The following GSE1 variants were observed in gnomAD, a reference collection of about 807,000 sequenced individuals.
GSE1 encodes the protein Gse1 coiled-coil protein, also known as genetic suppressor element 1.
GSE1 carries 32 observed loss-of-function variants against 112.6 expected under a neutral mutation model. That is an observed-to-expected ratio of 0.28 (90% CI 0.21 to 0.38). GSE1 has a LOEUF of 0.38. Among genes scored for constraint, GSE1 ranks in the 10% least tolerant of loss-of-function variants. The pLI is 1.00. For synonymous variants in GSE1, 1,115 were observed against 735.6 expected (o/e 1.52, Z -8.35); for missense variants, 2,348 against 1,699.2 (o/e 1.38, Z -6.71).
chr16:85,671,249 G>C lies in GSE1; in HGVS notation c.3519+151G>C. The C allele has an allele frequency of 1.8e-5, 9 of 512,204 alleles. No individual in the cohort carries two copies. In the South Asian group the frequency reaches 1.9e-4, roughly 11 times the overall value. 31.7% of individuals were successfully genotyped at this position (512,204 alleles called of 1,614,324 possible). On this transcript the variant is annotated intron_variant, in intron 15 of 15. Coordinates refer to ENST00000253458, the MANE Select transcript of GSE1 (RefSeq NM_014615.5). Reference sequence around the variant, plus strand: ...AGGTCAGGAGATCGAGACCATCCCGGCTAAAACGGTGAAACCCTGTCTCTA... The same window carrying C: ...AGGTCAGGAGATCGAGACCATCCCGCCTAAAACGGTGAAACCCTGTCTCTA...
At chr16:85,603,288 C>T (rs975379510) in intron 1 of GSE1, among the ~76,000 whole-genome samples, 3 of 152,162 alleles carry the variant, frequency 2.0e-5, no homozygotes, top group Admixed American at 6.5e-5. Flanking sequence ...GGGGGAGAGA[C>T]GCCGAGTGGG....
At chr16:85,260,319 C>CTTTTTT (rs111292010) in intron 1 of GSE1, among the ~76,000 whole-genome samples, 1,028 of 94,788 alleles carry the variant, frequency 0.011, 8 homozygotes, top group Non-Finnish European at 0.012. Context: ...TTTTTCTTTT[C>CTTTTTT]TTTTTTTTTT....
At position 85,673,809 on chromosome 16, in the gene GSE1, A is replaced by T. The variant is rs1021871909; in HGVS notation, c.*1270A>T. 3 of 152,304 alleles carry T rather than the reference A, an allele frequency of 2.0e-5. No individual in the cohort carries two copies. The East Asian group carries it at 5.8e-4, about 29-fold the overall frequency. 9.4% of individuals were successfully genotyped at this position (152,304 alleles called of 1,614,324 possible). A position where few individuals can be genotyped will look rare whatever the true frequency, so the allele number is the denominator to read the frequency against. On this transcript the variant is annotated 3_prime_UTR_variant, in exon 16 of 16. Coordinates refer to ENST00000253458, the MANE Select transcript of GSE1 (RefSeq NM_014615.5). ...GCACACATGGGCGGGGGCTTTTAAAAACCTTTCAGGAAGTCAATGATTTCT... is the reference window on the plus strand; with the variant it reads ...GCACACATGGGCGGGGGCTTTTAAATACCTTTCAGGAAGTCAATGATTTCT...
rs746010057 is a variant in GSE1 at position 85,671,093 on chromosome 16, G to A, written c.3514G>A (p.Val1172Met). The stretch of plus-strand genomic sequence containing the variant: ...GACGGCAGAGCAGCTCTCCCACAGC[G>A]TGGCGGTGAGTTGGGAAGGGATGGA... ...SLTAEQLSHS[V>M]AELRSQKQKM... The change falls in exon 15 of 16, where the codon GTG becomes ATG. Residue 1172 changes from valine to methionine, a missense_variant. Physicochemically the swap from Val to Met is conservative, Grantham distance 21 (BLOSUM62 1). Transcript: ENST00000253458. 4.1e-5 allele frequency: 65 copies of A among 1,588,988 alleles called. No individual in the cohort carries two copies. Among genetic ancestry groups the A allele is most frequent in the Middle Eastern group, 1.7e-4 (1 of 6,012 alleles).
intron 2 of GSE1, among the ~76,000 whole-genome samples, chr16:85,453,488 G>A (rs2049742035): frequency 6.6e-6 from 1 of 152,134 alleles, no homozygotes; most frequent in South Asian, 2.1e-4. Flanking sequence ...CAGCTTAGGT[G>A]TGAGGGCACC....
intron 2 of GSE1, among the ~76,000 whole-genome samples, chr16:85,506,582 G>A (rs1315737136): frequency 6.6e-6 from 1 of 152,136 alleles, no homozygotes; most frequent in Admixed American, 6.5e-5. Context: ...GATGGAAGAG[G>A]AGGTTGGCCC....
In GSE1 at chr16:85,241,099, T is replaced by C. The variant is rs536065642; in HGVS notation, c.2283+69292T>C. On this transcript the variant is annotated intron_variant, in intron 1 of 2. Transcript: ENST00000637419. ...GGCTTCCCCGTGAAACGAGCCTCCT[T>C]CTTCCTCTGAGACAGACCTGAGCTT... Among the ~76,000 whole-genome samples, 54 of 152,164 alleles carry C rather than the reference T, an allele frequency of 3.5e-4. 1 individual carries two copies. The highest frequency in any genetic ancestry group is 5.9e-4 in the Non-Finnish European group (40 of 68,022).
intron 1 of GSE1, among the ~76,000 whole-genome samples, chr16:85,632,020 G>C (rs898101434): frequency 6.6e-6 from 1 of 152,244 alleles, no homozygotes; most frequent in African/African-American, 2.4e-5. Flanking sequence ...CCGAGGACGG[G>C]CCCTCATTGG....
At chr16:85,313,630 G>T (rs1477787519) in intron 1 of GSE1, among the ~76,000 whole-genome samples, 1 of 152,222 alleles carries the variant, frequency 6.6e-6, no homozygotes, top group Non-Finnish European at 1.5e-5. Flanking sequence ...AGGCTGGGGG[G>T]TGGGGAAGGA....
chr16:85,620,291 A>G (rs1049736054), intron 1 of GSE1, among the ~76,000 whole-genome samples: 5 of 152,156 alleles, frequency 3.3e-5, no homozygotes, highest in African/African-American at 1.2e-4. Flanking sequence ...CTCTTGTCTC[A>G]GCAAAAAAAC....
At chr16:85,239,673 T>C (rs762225329) in intron 1 of GSE1, among the ~76,000 whole-genome samples, 12 of 152,176 alleles carry the variant, frequency 7.9e-5, no homozygotes, top group Admixed American at 5.9e-4. Context: ...CAGCTCCTAG[T>C]GAGGGCTCTT....
upstream of GSE1, among the ~76,000 whole-genome samples, chr16:85,610,276 C>T (rs558342539): frequency 8.6e-4 from 131 of 152,328 alleles, no homozygotes; most frequent in African/African-American, 3.0e-3. Flanking sequence ...GGCCCTGGCA[C>T]CTACCTAGCT....
chr16:85,482,581 G>A (rs950250880), intron 2 of GSE1, among the ~76,000 whole-genome samples: 2 of 152,216 alleles, frequency 1.3e-5, no homozygotes, highest in Non-Finnish European at 2.9e-5. Flanking sequence ...ACGTGGATGG[G>A]ACATCTGTCT....
At chr16:85,612,227 C>T (rs2048034824), upstream of GSE1, among the ~76,000 whole-genome samples, 1 of 147,392 alleles carries the variant, frequency 6.8e-6, no homozygotes, top group African/African-American at 2.5e-5. Flanking sequence ...GGGACGCGCC[C>T]GCCGCGATGG....
chr16:85,282,495 C>T (rs1276585900), intron 1 of GSE1, among the ~76,000 whole-genome samples: 6 of 152,264 alleles, frequency 3.9e-5, no homozygotes, highest in East Asian at 3.9e-4. Context: ...GGGCATTTAC[C>T]GAACCCGGTG....
chr16:85,604,587 C>T (rs981474874), intron 1 of GSE1, among the ~76,000 whole-genome samples: 1 of 148,966 alleles, frequency 6.7e-6, no homozygotes, highest in African/African-American at 2.5e-5. Flanking sequence ...TTTTGTTTAT[C>T]TCTTCCCCCC....
At chr16:85,196,724 C>T (rs1004784802) in intron 1 of GSE1, among the ~76,000 whole-genome samples, 16 of 152,170 alleles carry the variant, frequency 1.1e-4, no homozygotes, top group Admixed American at 8.5e-4. Flanking sequence ...TTTGCCAAGG[C>T]TCCCTGTGTT....
At chr16:85,555,306 A>G, upstream of GSE1, 1 of 984,982 alleles carries the variant, frequency 1.0e-6, no homozygotes, top group Non-Finnish European at 1.2e-6. Flanking sequence ...CCCAGGCGCC[A>G]GAGCCCCCGC....
At chr16:85,308,351 C>T (rs1307125726) in intron 1 of GSE1, among the ~76,000 whole-genome samples, 1 of 152,168 alleles carries the variant, frequency 6.6e-6, no homozygotes, top group African/African-American at 2.4e-5. Context: ...ACAGCCAGGG[C>T]AGAGAACGCC....
Sources: allele counts gnomAD v4.1 joint callset (sites outside exome capture counted in the v4.1 genomes callset), GRCh38; gene constraint gnomAD v4.1.1; transcripts MANE v1.5; gene names NCBI Gene and HGNC (gene_info 2026-07-23, HGNC 2026-07-21).